The following ZNF12 variants were observed in gnomAD, a reference collection of about 807,000 sequenced individuals.
The protein encoded by ZNF12 is gonadotropin inducible transcription repressor 3.
Under a neutral mutation model 66.6 loss-of-function variants are expected in ZNF12, and 34 were observed. The ratio of observed to expected loss-of-function variants is 0.51; its 90% CI spans 0.39 to 0.68. ZNF12 has a LOEUF of 0.68. Ranked by LOEUF, ZNF12 falls within the 30% of genes least tolerant of loss-of-function variation. The pLI is 0.00. For missense variants in ZNF12, 697 were observed against 826.9 expected, an observed-to-expected ratio of 0.84 and a Z score of 1.93; for synonymous variants, 320 against 278.9, an observed-to-expected ratio of 1.15 and a Z score of -1.47.
Position 6,697,469 on chromosome 7 carries a change from G to C in ZNF12, c.143-35C>G. On this transcript the variant is annotated intron_variant, in intron 3 of 4. Coordinates refer to ENST00000405858, the MANE Select transcript of ZNF12 (RefSeq NM_016265.4). This position sits in a 1 kb window ranked among gnomAD's most constrained non-coding sequence, Gnocchi z 6.1. The stretch of plus-strand genomic sequence containing the variant: ...AGAAATGAAAGAGAACTTGAGCCCA[G>C]GCCGGTTGGCTTCAGGGTCTCTGTC... 1 of 1,591,792 alleles carries C rather than the reference G, an allele frequency of 6.3e-7. No homozygotes were observed. The highest frequency in any genetic ancestry group is 8.6e-7 in the Non-Finnish European group (1 of 1,165,854).
Position 6,706,076 on chromosome 7 carries a change from G to A in ZNF12, c.-51+356C>T, listed in dbSNP as rs550936022. Among the ~76,000 whole-genome samples the A allele has an allele frequency of 2.0e-5, 3 of 152,308 alleles. No homozygotes were observed. The South Asian group carries it at 6.2e-4, about 32-fold the overall frequency. On this transcript the variant is annotated intron_variant, in intron 1 of 4. Coordinates refer to ENST00000405858, the MANE Select transcript of ZNF12 (RefSeq NM_016265.4). ...AGGCAGCAAGAGATAGTTCCTGCAG[G>A]CTGTTCCTGCACTACAACGTATGAT... is the stretch of plus-strand genomic sequence containing the variant.
In ZNF12 at chr7:6,692,601, C is replaced by A; in HGVS notation, c.341G>T (p.Gly114Val). The change falls in exon 5 of 5, where the codon GGT becomes GTT. Residue 114 changes from glycine (G) to valine (V), a missense_variant. Physicochemically the swap from Gly to Val is moderately radical, Grantham distance 109. This residue lies in a region of ZNF12 where 241 missense variants were observed against 224.0 expected (regional missense o/e 1.08). Transcript: ENST00000405858. This position sits in a 1 kb window ranked among gnomAD's most constrained non-coding sequence, Gnocchi z 5.1. The stretch of plus-strand genomic sequence containing the variant: ...ATCAAAAGTTTTACCAGGAACATTA[C>A]CTCTCTCTTCAATCAGGGTCTCAAT... ...VFIETLIEER[G>V]NVPGKTFDVE... is the part of the protein sequence containing the mutation. The A allele has an allele frequency of 6.2e-7, 1 of 1,613,780 alleles. No individual in the cohort carries two copies. The highest frequency in any genetic ancestry group is 8.5e-7 in the Non-Finnish European group (1 of 1,179,806).
Position 6,690,451 on chromosome 7 carries a change from C to CTT in ZNF12, c.*395_*396dup, listed in dbSNP as rs894327636. On this transcript the variant is annotated 3_prime_UTR_variant, in exon 5 of 5. Transcript: ENST00000405858. Reference sequence around the variant, plus strand: ...TATTCACAGCAGGAATCTTCTATTTCTTTTTTTTTTTTCAAGTTTGCTATT... The same window carrying CTT: ...TATTCACAGCAGGAATCTTCTATTTCTTTTTTTTTTTTTTCAAGTTTGCTATT... 1.5e-4 allele frequency: 22 copies of CTT among 144,858 alleles called. No homozygotes were observed. In the East Asian group the frequency reaches 3.8e-3, roughly 25 times the overall value. 9.0% of individuals were successfully genotyped at this position (144,858 alleles called of 1,614,324 possible).
chr7:6,706,346 T>C (rs1222488516), intron 1 of ZNF12, 86 bp downstream of exon 1: 6 of 452,646 alleles, frequency 1.3e-5, no homozygotes, highest in Non-Finnish European at 2.7e-5. Context: ...ATCGAGACCT[T>C]CCACTGTCCC....
At chr7:6,694,997 C>T in intron 4 of ZNF12, among the ~76,000 whole-genome samples, 1 of 152,166 alleles carries the variant, frequency 6.6e-6, no homozygotes, top group Non-Finnish European at 1.5e-5. Flanking sequence ...GATCTCAGCT[C>T]ACTGCAAGCT....
chr7:6,692,809 T>C lies in ZNF12; in HGVS notation c.239-106A>G. The C allele has an allele frequency of 8.9e-7, 1 of 1,120,698 alleles. No individual in the cohort carries two copies. The highest frequency in any genetic ancestry group is 1.7e-5 in the South Asian group (1 of 57,374). The allele number at this position is 1,120,698 out of a possible 1,614,324, so 69.4% of individuals were successfully genotyped here. On this transcript the variant is annotated intron_variant, in intron 4 of 4. Coordinates refer to ENST00000405858, the MANE Select transcript of ZNF12 (RefSeq NM_016265.4). This position sits in a 1 kb window ranked among gnomAD's most constrained non-coding sequence, Gnocchi z 5.1. ...CACGCATCTCATTGTGAGTAGATGCTAGCTTCATGAACAGATGAAAATAAT... is the reference window on the plus strand; with the variant it reads ...CACGCATCTCATTGTGAGTAGATGCCAGCTTCATGAACAGATGAAAATAAT...
intron 4 of ZNF12, among the ~76,000 whole-genome samples, chr7:6,693,920 C>A (rs1340580900): frequency 1.3e-5 from 2 of 152,156 alleles, no homozygotes; most frequent in Non-Finnish European, 2.9e-5. Flanking sequence ...GTAATCCCAG[C>A]ACTTTGGGAG....
rs776619462 is a variant in ZNF12, at chr7:6,697,887, CA to C, written c.16-77del. 1.3e-6 allele frequency: 2 copies of C among 1,491,800 alleles called. No individual in the cohort carries two copies. Among genetic ancestry groups the C allele is most frequent in the East Asian group, 4.6e-5 (2 of 43,396 alleles). The allele number at this position is 1,491,800 out of a possible 1,614,324, so 92.4% of individuals were successfully genotyped here. On this transcript the variant is annotated intron_variant, in intron 2 of 4. Transcript: ENST00000405858. This position sits in a 1 kb window ranked among gnomAD's most constrained non-coding sequence, Gnocchi z 6.1. ...TACAAGATCTTAGCATGCTCACTGG[CA>C]AAATTAACCATGAACACTGTATACC...
Position 6,692,312 on chromosome 7 carries a change from A to T in ZNF12, c.630T>A (p.Ile210=). 1.2e-6 allele frequency: 2 copies of T among 1,609,920 alleles called. No homozygotes were observed. Among genetic ancestry groups the T allele is most frequent in the Non-Finnish European group, 1.7e-6 (2 of 1,178,526 alleles). The change falls in exon 5 of 5, where the codon ATT becomes ATA. Residue 210 remains isoleucine (I), a synonymous_variant. Coordinates refer to ENST00000405858, the MANE Select transcript of ZNF12 (RefSeq NM_016265.4). The surrounding 1 kb of genome is among the most constrained non-coding windows in gnomAD (Gnocchi z 5.1). ...ATTCAAAAGGTTTCTCCAAAATACG[A>T]ATTTTCTGATAAAGACTTTCTTCAT... is the stretch of plus-strand genomic sequence containing the variant. ...TLNEESLYQK[I]RILEKPFEYI... is the part of the protein sequence containing the mutation.
At chr7:6,693,135 G>A (rs1322355586) in intron 4 of ZNF12, among the ~76,000 whole-genome samples, 1 of 152,138 alleles carries the variant, frequency 6.6e-6, no homozygotes, top group Non-Finnish European at 1.5e-5. Flanking sequence ...TTTAGGGGGA[G>A]GTAAAGCTGT....
chr7:6,691,128 T>A lies in ZNF12; in HGVS notation c.1814A>T (p.Tyr605Phe). ...GCACTTCCCACATTCATAACATTCG[T>A]AGGCTTTCTCTCCTGTGTGTGTTCT... is the stretch of plus-strand genomic sequence containing the variant. ...HQRTHTGEKAYECYECGKCFS... is the reference protein window; with the variant it reads ...HQRTHTGEKAFECYECGKCFS... Residue 605 changes from tyrosine (Y) to phenylalanine (F), a missense_variant, in exon 5 of 5, where the codon TAC becomes TTC. Physicochemically the swap from Tyr to Phe is conservative, Grantham distance 22 (BLOSUM62 3). Transcript: ENST00000405858. 1 of 1,614,134 alleles carries A rather than the reference T, an allele frequency of 6.2e-7. No homozygotes were observed. Among genetic ancestry groups the A allele is most frequent in the Non-Finnish European group, 8.5e-7 (1 of 1,179,984 alleles).
rs944231338 is a variant in ZNF12, at chr7:6,706,537, C to G, written c.-156G>C. On this transcript the variant is annotated 5_prime_UTR_variant, in exon 1 of 5. Transcript: ENST00000405858. ...GCGAGGTCCCTTCCTGTCCACCTCA[C>G]CAAGGCCGTTCTGCTCCAGAGGGGC... 2.1e-6 allele frequency: 1 copy of G among 471,856 alleles called. No homozygotes were observed. The highest frequency in any genetic ancestry group is 4.2e-6 in the Non-Finnish European group (1 of 237,150). The allele number at this position is 471,856 out of a possible 1,614,324, so 29.2% of individuals were successfully genotyped here. A position where few individuals can be genotyped will look rare whatever the true frequency, so the allele number is the denominator to read the frequency against.
At position 6,698,349 on chromosome 7, in the gene ZNF12, G is replaced by A. The variant is rs895263189; in HGVS notation, c.16-538C>T. Among the ~76,000 whole-genome samples, 3 of 151,946 alleles carry A rather than the reference G, an allele frequency of 2.0e-5. No individual in the cohort carries two copies. The highest frequency in any genetic ancestry group is 2.9e-5 in the Non-Finnish European group (2 of 68,006). ...TGCTTTGATGGTGAGCCCTCTTCCT[G>A]GCTAATTTAATTACCATCTATACAC... On this transcript the variant is annotated intron_variant, in intron 2 of 4. Coordinates refer to ENST00000405858, the MANE Select transcript of ZNF12 (RefSeq NM_016265.4). This position sits in a 1 kb window ranked among gnomAD's most constrained non-coding sequence, Gnocchi z 4.4.
Position 6,692,840 on chromosome 7 carries a change from G to C in ZNF12, c.239-137C>G. On this transcript the variant is annotated intron_variant, in intron 4 of 4. Coordinates refer to ENST00000405858, the MANE Select transcript of ZNF12 (RefSeq NM_016265.4). The surrounding 1 kb of genome is among the most constrained non-coding windows in gnomAD (Gnocchi z 5.1). ...CATGAACAGATGAAAATAATTCCAA[G>C]TGTACTCTTCTCCTTTATGCTTTTG... 2 of 813,892 alleles carry C rather than the reference G, an allele frequency of 2.5e-6. No homozygotes were observed. Among genetic ancestry groups the C allele is most frequent in the Non-Finnish European group, 3.6e-6 (2 of 550,792 alleles). 50.4% of individuals were successfully genotyped at this position (813,892 alleles called of 1,614,324 possible).
intron 4 of ZNF12, among the ~76,000 whole-genome samples, chr7:6,695,975 C>A (rs1425191537): frequency 1.3e-5 from 2 of 152,140 alleles, no homozygotes; most frequent in Admixed American, 6.5e-5. Context: ...GGGGAAACAA[C>A]AGAAAATTAC....
chr7:6,702,303 A>ACACACACACAC (rs1780257958), intron 2 of ZNF12, among the ~76,000 whole-genome samples: 1 of 122,920 alleles, frequency 8.1e-6, no homozygotes, highest in Non-Finnish European at 1.8e-5. Context: ...AAACTCCACA[A>ACACACACACAC]ACACACACAC....
rs764820353 is a variant in ZNF12, at chr7:6,691,770, GAGA to G, written c.1169_1171del (p.Phe390del). The G allele has an allele frequency of 6.2e-6, 10 of 1,613,694 alleles. No homozygotes were observed. The highest frequency in any genetic ancestry group is 1.3e-5 in the African/African-American group (1 of 74,868). On this transcript the variant is annotated inframe_deletion, in exon 5 of 5. Coordinates refer to ENST00000405858, the MANE Select transcript of ZNF12 (RefSeq NM_016265.4). Reference sequence around the variant, plus strand: ...ATGGTCATTAAGTGCTGACTTCTGCGAGAAGGTTTTCCCACAGTCATGACAAAC... The same window carrying G: ...ATGGTCATTAAGTGCTGACTTCTGCGAGGTTTTCCCACAGTCATGACAAAC...
intron 2 of ZNF12, among the ~76,000 whole-genome samples, chr7:6,699,147 C>A (rs2115352234): frequency 6.6e-6 from 1 of 152,172 alleles, no homozygotes; most frequent in East Asian, 1.9e-4. Flanking sequence ...GTGTTAAGAA[C>A]AAAGAGGCTG....
In ZNF12 at chr7:6,697,949, A is replaced by G; in HGVS notation, c.16-138T>C. 1 of 1,055,844 alleles carries G rather than the reference A, an allele frequency of 9.5e-7. No individual in the cohort carries two copies. Among genetic ancestry groups the G allele is most frequent in the Non-Finnish European group, 1.5e-6 (1 of 681,944 alleles). The allele number at this position is 1,055,844 out of a possible 1,614,324, so 65.4% of individuals were successfully genotyped here. A position where few individuals can be genotyped will look rare whatever the true frequency, so the allele number is the denominator to read the frequency against. On this transcript the variant is annotated intron_variant, in intron 2 of 4. Coordinates refer to ENST00000405858, the MANE Select transcript of ZNF12 (RefSeq NM_016265.4). This position sits in a 1 kb window ranked among gnomAD's most constrained non-coding sequence, Gnocchi z 6.1. ...GTTACAGACTGTCAAAGGGAAACAAACATATCAGAAATACACTGTTCTGGG... is the reference window on the plus strand; with the variant it reads ...GTTACAGACTGTCAAAGGGAAACAAGCATATCAGAAATACACTGTTCTGGG...
Sources: gnomAD v4.1 joint callset for allele counts (sites outside exome capture counted in the v4.1 genomes callset) on GRCh38, gnomAD v4.1.1 for gene constraint, gnomAD v4.1.1 regional missense constraint, Gnocchi (gnomAD v3.1) non-coding constraint, MANE v1.5 for transcripts, NCBI Gene and HGNC (gene_info 2026-07-23, HGNC 2026-07-21) for gene names.